MICU1: variants seen among roughly 807,000 people sequenced by gnomAD.
The protein encoded by MICU1 is calcium uptake protein 1, mitochondrial.
MICU1 carries 45 observed loss-of-function variants against 56.8 expected under a neutral mutation model. That is an observed-to-expected ratio of 0.79 (90% confidence interval 0.62 to 1.02). MICU1 has a LOEUF of 1.02. Among genes scored for constraint, MICU1 ranks in the 50% least tolerant of loss-of-function variants. The pLI is 0.00. For synonymous variants in MICU1, 186 were observed against 195.1 expected (o/e 0.95, Z 0.39); for missense variants, 504 against 587.1 (o/e 0.86, Z 1.46).
intron 9 of MICU1, among the ~76,000 whole-genome samples, chr10:72,408,261 G>A (rs552832106): frequency 2.0e-5 from 3 of 152,234 alleles, no homozygotes; most frequent in East Asian, 1.9e-4. Flanking sequence ...CCTCTCACAC[G>A]TAAAATCTGA....
At position 72,477,661 on chromosome 10, in the gene MICU1, C is replaced by T. The variant is rs547416539; in HGVS notation, c.653-405G>A. On this transcript the variant is annotated intron_variant, in intron 6 of 11. Coordinates refer to ENST00000361114, the MANE Select transcript of MICU1 (RefSeq NM_001195518.2). Reference sequence around the variant, plus strand: ...ATTGCTGCAAAGTAAGAAGTTGAAACACTACATCTTAGTCTTACCCTCACA... The same window carrying T: ...ATTGCTGCAAAGTAAGAAGTTGAAATACTACATCTTAGTCTTACCCTCACA... The T allele has an allele frequency of 3.2e-5, 29 of 918,886 alleles. No individual in the cohort carries two copies. The African/African-American group carries it at 3.8e-4, about 12-fold the overall frequency. 56.9% of individuals were successfully genotyped at this position (918,886 alleles called of 1,614,324 possible). A position where few individuals can be genotyped will look rare whatever the true frequency, so the allele number is the denominator to read the frequency against.
At chr10:72,539,412 A>G (rs1347395975) in intron 4 of MICU1, among the ~76,000 whole-genome samples, 2 of 152,186 alleles carry the variant, frequency 1.3e-5, no homozygotes, top group Non-Finnish European at 2.9e-5. Context: ...ACAATGATAT[A>G]TAACTAGAAA....
Position 72,510,270 on chromosome 10 carries a change from A to G in MICU1, c.538-2001T>C, listed in dbSNP as rs531199233. Among the ~76,000 whole-genome samples the G allele has an allele frequency of 4.3e-4, 66 of 152,316 alleles. 2 individuals carry two copies. In the South Asian group the frequency reaches 0.014, roughly 32 times the overall value. ...GTTGGTAACAAAATTTGAGTTTGAC[A>G]TAACTTCAAACTCACAGAAAAGTTG... On this transcript the variant is annotated intron_variant, in intron 5 of 11. Transcript: ENST00000361114.
At chr10:72,589,374 A>G (rs1841158378) in intron 1 of MICU1, among the ~76,000 whole-genome samples, 1 of 152,198 alleles carries the variant, frequency 6.6e-6, no homozygotes, top group Non-Finnish European at 1.5e-5. Context: ...AAACAATTCT[A>G]ACTGAGGAAA....
At chr10:72,380,454 G>C (rs1405579906) in intron 10 of MICU1, among the ~76,000 whole-genome samples, 1 of 152,132 alleles carries the variant, frequency 6.6e-6, no homozygotes, top group Admixed American at 6.6e-5. Context: ...AGTTGTGTCA[G>C]GTCCCCAATT....
At chr10:72,391,902 AT>A (rs1380016492) in intron 10 of MICU1, 1 of 152,020 alleles carries the variant, frequency 6.6e-6, no homozygotes, top group Non-Finnish European at 1.5e-5. Context: ...TTATCCTAGG[AT>A]TTTCAACTGT....
chr10:72,559,556 T>C (rs1345628596), intron 3 of MICU1, among the ~76,000 whole-genome samples: 6 of 152,142 alleles, frequency 3.9e-5, no homozygotes, highest in Admixed American at 2.6e-4. Flanking sequence ...CCGGGCACAG[T>C]GGCTCATGCC....
chr10:72,571,585 A>G (rs1399456075), intron 1 of MICU1, among the ~76,000 whole-genome samples: 1 of 152,216 alleles, frequency 6.6e-6, no homozygotes, highest in Non-Finnish European at 1.5e-5. Flanking sequence ...AACGGGTTAA[A>G]GCATTATCAG....
chr10:72,504,103 T>C (rs777719368), intron 6 of MICU1, among the ~76,000 whole-genome samples: 2 of 152,144 alleles, frequency 1.3e-5, no homozygotes, highest in Non-Finnish European at 2.9e-5. Context: ...AAATTACCAA[T>C]GTCATTTTTC....
intron 6 of MICU1, among the ~76,000 whole-genome samples, chr10:72,504,127 A>G (rs1401975914): frequency 6.6e-6 from 1 of 152,192 alleles, no homozygotes; most frequent in Non-Finnish European, 1.5e-5. Context: ...AAATCAGAAA[A>G]AAACTATTCT....
At chr10:72,397,274 T>A (rs1863298839) in intron 10 of MICU1, among the ~76,000 whole-genome samples, 2 of 152,186 alleles carry the variant, frequency 1.3e-5, no homozygotes, top group Non-Finnish European at 2.9e-5. Context: ...TAAGAGCTCC[T>A]GAAGGAAGCA....
intron 1 of MICU1, among the ~76,000 whole-genome samples, chr10:72,577,734 A>G (rs1206467897): frequency 1.3e-5 from 2 of 152,120 alleles, no homozygotes; most frequent in South Asian, 4.1e-4. Context: ...AATTTTTTTT[A>G]AAGTAAAGCC....
chr10:72,399,927 C>T (rs1342593508), intron 10 of MICU1, among the ~76,000 whole-genome samples: 9 of 152,078 alleles, frequency 5.9e-5, no homozygotes, highest in African/African-American at 1.7e-4. Flanking sequence ...CGCTGAACTC[C>T]GGCCTGGGCA....
At chr10:72,403,758 C>T (rs1056200236) in intron 10 of MICU1, among the ~76,000 whole-genome samples, 8 of 151,694 alleles carry the variant, frequency 5.3e-5, no homozygotes, top group Non-Finnish European at 7.4e-5. Context: ...TGGGTTCACG[C>T]CATTCTCCTG....
intron 1 of MICU1, among the ~76,000 whole-genome samples, chr10:72,584,357 C>CAAAG (rs780181041): frequency 1.3e-5 from 2 of 152,018 alleles, no homozygotes; most frequent in East Asian, 3.9e-4. Flanking sequence ...AAAAAATAAC[C>CAAAG]AAAGATACAC....
intron 8 of MICU1, among the ~76,000 whole-genome samples, chr10:72,429,893 CAG>C (rs1229443221): frequency 1.3e-5 from 2 of 152,152 alleles, no homozygotes. Context: ...ATTTCAAAAA[CAG>C]AGAAAAGTGA....
intron 9 of MICU1, 54 bp from the exon 10 acceptor site, chr10:72,408,091 G>A (rs189028863): frequency 8.3e-6 from 9 of 1,082,634 alleles, no homozygotes; most frequent in Middle Eastern, 2.0e-4. Flanking sequence ...AAAGCAGCAC[G>A]ATATGCATAG....
At chr10:72,592,320 T>G (rs1399246858) in intron 1 of MICU1, among the ~76,000 whole-genome samples, 1 of 151,490 alleles carries the variant, frequency 6.6e-6, no homozygotes, top group East Asian at 1.9e-4. Flanking sequence ...AGACCCTGTT[T>G]CAAGGAAAAA....
intron 9 of MICU1, among the ~76,000 whole-genome samples, chr10:72,413,444 G>A (rs1002534079): frequency 3.3e-5 from 5 of 152,106 alleles, no homozygotes; most frequent in African/African-American, 9.7e-5. Flanking sequence ...TAACAGACTT[G>A]AATCCAGGTC....
Sources: allele counts gnomAD v4.1 joint callset (sites outside exome capture counted in the v4.1 genomes callset), GRCh38; gene constraint gnomAD v4.1.1; transcripts MANE v1.5; gene names NCBI Gene and HGNC (gene_info 2026-07-23, HGNC 2026-07-21).